The following MRPL36 variants were observed in gnomAD, a reference collection of about 807,000 sequenced individuals.
MRPL36 encodes mitochondrial ribosomal protein L36.
Under a neutral mutation model 2.8 loss-of-function variants are expected in MRPL36, and 1 was observed. The ratio of observed to expected loss-of-function variants is 0.36; its 90% CI spans 0.13 to 1.69. The LOEUF (loss-of-function observed/expected upper bound fraction) is 1.69, where lower values mean the gene tolerates loss of function less well. MRPL36 is among the 40% of genes most tolerant of loss of function. MRPL36 has a pLI of 0.35. For synonymous variants in MRPL36, 68 were observed against 54.8 expected (o/e 1.24, Z -1.06); for missense variants, 148 against 132.7 (o/e 1.12, Z -0.57).
chr5:1,798,982 TCCTGCACTTCCA>T (rs1733937775), intron 1 of MRPL36, 35 bp from the exon 2 acceptor site: 1 of 1,470,838 alleles, frequency 6.8e-7, no homozygotes. Flanking sequence ...TTATAGCTTC[TCCTGCACTTCCA>T]CCTGCTCTTT....
upstream of MRPL36, chr5:1,801,310 CCG>C: frequency 1.4e-6 from 2 of 1,386,398 alleles, no homozygotes; most frequent in East Asian, 2.5e-5. Context: ...CCCGCGCTCC[CCG>C]CCCCCAGGGC....
chr5:1,801,335 G>A (rs539971044), upstream of MRPL36: 22 of 1,539,276 alleles, frequency 1.4e-5, no homozygotes, highest in East Asian at 2.3e-5. Context: ...AATAAATACC[G>A]GGTGTTTGGC....
chr5:1,801,362 C>T, upstream of MRPL36: 1 of 1,580,792 alleles, frequency 6.3e-7, no homozygotes, highest in Non-Finnish European at 8.6e-7. Flanking sequence ...AGAAGCCGTG[C>T]GCATGCGTTA....
upstream of MRPL36, among the ~76,000 whole-genome samples, chr5:1,800,856 G>A (rs4975848): frequency 0.74 from 112,087 of 152,126 alleles, 44,424 homozygotes; most frequent in Non-Finnish European, 0.88. Context: ...GCGGCTCCCC[G>A]TAACCACACA....
At chr5:1,800,880 C>G (rs1013091839), upstream of MRPL36, among the ~76,000 whole-genome samples, 2 of 152,348 alleles carry the variant, frequency 1.3e-5, no homozygotes, top group East Asian at 1.9e-4. Flanking sequence ...GAACGCTTGC[C>G]TTGAACGAGG....
rs1347819829 is a variant in MRPL36 at position 1,799,806 on chromosome 5, T to A, written c.-27A>T. On this transcript the variant is annotated 5_prime_UTR_variant, in exon 1 of 2. Transcript: ENST00000505059. ...GGCTCCCTTACCCGGCCGCACGCTCTCACCCGGCGCCGACCCCTGCGTCTG... is the reference window on the plus strand; with the variant it reads ...GGCTCCCTTACCCGGCCGCACGCTCACACCCGGCGCCGACCCCTGCGTCTG... 6.6e-6 allele frequency: 1 copy of A among 151,386 alleles called. No individual in the cohort carries two copies. The highest frequency in any genetic ancestry group is 1.9e-4 in the East Asian group (1 of 5,142). 9.4% of individuals were successfully genotyped at this position (151,386 alleles called of 1,614,324 possible).
rs1733915619 is a variant in MRPL36 at position 1,798,554 on chromosome 5, T to A, written c.*70A>T. The A allele has an allele frequency of 6.8e-7, 1 of 1,469,990 alleles. No homozygotes were observed. Among genetic ancestry groups the A allele is most frequent in the South Asian group, 1.3e-5 (1 of 76,554 alleles). The allele number at this position is 1,469,990 out of a possible 1,614,324, so 91.1% of individuals were successfully genotyped here. On this transcript the variant is annotated 3_prime_UTR_variant, in exon 2 of 2. Transcript: ENST00000505059. ...CTGACTCCTTGATGTGATAATTCCT[T>A]CCATAAGATACAACCATTCTCCCAA...
chr5:1,801,434 CCTT>C (rs1473003254), upstream of MRPL36: 9 of 1,605,230 alleles, frequency 5.6e-6, no homozygotes, highest in Non-Finnish European at 6.8e-6. Context: ...GCGGCGATGA[CCTT>C]CTGCCGGCTG....
At chr5:1,799,875 C>CGGGGGGG (rs368360524), upstream of MRPL36, 6 of 131,658 alleles carry the variant, frequency 4.6e-5, no homozygotes, top group African/African-American at 1.8e-4. Flanking sequence ...AAGATGGCGG[C>CGGGGGGG]GGGGGGGGGG....
In MRPL36 at chr5:1,798,596, T is replaced by A; in HGVS notation, c.*28A>T. The A allele has an allele frequency of 6.3e-7, 1 of 1,576,376 alleles. No individual in the cohort carries two copies. The highest frequency in any genetic ancestry group is 8.7e-7 in the Non-Finnish European group (1 of 1,152,074). On this transcript the variant is annotated 3_prime_UTR_variant, in exon 2 of 2. Coordinates refer to ENST00000505059, the MANE Select transcript of MRPL36 (RefSeq NM_032479.4). The stretch of plus-strand genomic sequence containing the variant: ...TTCTCCCAAGTGATGCGATGACGAG[T>A]ATGTGCGTGACTCTGGAGGGAAAGG...
At chr5:1,801,413 G>T, upstream of MRPL36, 1 of 1,605,462 alleles carries the variant, frequency 6.2e-7, no homozygotes, top group Non-Finnish European at 8.5e-7. Context: ...GGCCAGCGGC[G>T]CAAAATGGCG....
rs1173066661 is a variant in MRPL36, at chr5:1,798,895, A to G, written c.41T>C (p.Leu14Pro). Reference protein sequence around the residue: ...LFIRKMVNPLLYLSRHTVKPR... With the variant: ...LFIRKMVNPLPYLSRHTVKPR... ...CTTCACCGTGTGACGACTGAGATAG[A>G]GCAGAGGGTTCACCATTTTCCTTAT... The change falls in exon 2 of 2, where the codon CTC (leucine) becomes CCC (proline). Residue 14 changes from leucine to proline, a missense_variant. By Grantham distance (98) the Leu-to-Pro change is moderately conservative. Coordinates refer to ENST00000505059, the MANE Select transcript of MRPL36 (RefSeq NM_032479.4). The G allele has an allele frequency of 1.6e-5, 25 of 1,605,658 alleles. No homozygotes were observed. The highest frequency in any genetic ancestry group is 2.1e-5 in the Non-Finnish European group (25 of 1,173,048).
At chr5:1,799,065 G>A (rs1241031480) in intron 1 of MRPL36, 118 bp from the exon 2 acceptor site, 2 of 761,788 alleles carry the variant, frequency 2.6e-6, no homozygotes, top group South Asian at 1.9e-5. Context: ...GGGACTGAGG[G>A]TGTTCCCATA....
At chr5:1,799,403 C>G (rs1175713825) in intron 1 of MRPL36, 1 of 153,122 alleles carries the variant, frequency 6.5e-6, no homozygotes, top group Non-Finnish European at 1.5e-5. Context: ...TCTGGCACCC[C>G]GGTCGCCCGC....
rs746962313 is a variant in MRPL36 at position 1,798,747 on chromosome 5, C to T, written c.189G>A (p.Ala63=). ...SPGLLPHLLP[A]LGFKNKTVLK... ...GGACAGTCTTGTTTTTGAACCCCAG[C>T]GCAGGCAGCAGATGGGGCAGGAGGC... The change falls in exon 2 of 2, where the codon GCG becomes GCA. Residue 63 remains alanine, a synonymous_variant. Transcript: ENST00000505059. The T allele has an allele frequency of 5.5e-5, 88 of 1,613,824 alleles. No individual in the cohort carries two copies. The highest frequency in any genetic ancestry group is 7.3e-5 in the Non-Finnish European group (86 of 1,179,932).
At position 1,798,852 on chromosome 5, in the gene MRPL36, T is replaced by C. The variant is rs771167784; in HGVS notation, c.84A>G (p.Thr28=). 14 of 1,613,490 alleles carry C rather than the reference T, an allele frequency of 8.7e-6. No individual in the cohort carries two copies. The highest frequency in any genetic ancestry group is 1.1e-5 in the Non-Finnish European group (13 of 1,179,772). Residue 28 remains threonine, a synonymous_variant, in exon 2 of 2, where the codon ACA becomes ACG. Transcript: ENST00000505059. ...RHTVKPRALS[T]FLFGSIRGAA... ...CACCTCGAATGGATCCAAATAGAAA[T>C]GTGGAGAGGGCTCGAGGCTTCACCG...
chr5:1,801,284 G>A (rs1561101396), upstream of MRPL36: 94 of 1,324,510 alleles, frequency 7.1e-5, no homozygotes, highest in South Asian at 6.3e-4. Flanking sequence ...CAGCTCCGGC[G>A]CACCCTCTGC....
At chr5:1,801,132 G>A (rs1410893695), upstream of MRPL36, among the ~76,000 whole-genome samples, 1 of 152,238 alleles carries the variant, frequency 6.6e-6, no homozygotes, top group African/African-American at 2.4e-5. Flanking sequence ...ACTGCATGAG[G>A]CTGCACCTGC....
At chr5:1,801,419 T>C, upstream of MRPL36, 2 of 1,605,168 alleles carry the variant, frequency 1.2e-6, no homozygotes, top group Non-Finnish European at 1.7e-6. Context: ...CGGCGCAAAA[T>C]GGCGGCGGCG....
Sources: gnomAD v4.1 joint callset for allele counts (sites outside exome capture counted in the v4.1 genomes callset) on GRCh38, gnomAD v4.1.1 for gene constraint, MANE v1.5 for transcripts, NCBI Gene and HGNC (gene_info 2026-07-23, HGNC 2026-07-21) for gene names.